Variants in TNIK observed in about 807,000 individuals in gnomAD.
TNIK encodes TRAF2 and NCK interacting kinase.
Under a neutral mutation model 191.3 loss-of-function variants are expected in TNIK, and 49 were observed. That is an observed-to-expected ratio of 0.26 (90% confidence interval 0.20 to 0.32). The LOEUF is 0.32. Among genes scored for constraint, TNIK ranks in the 10% least tolerant of loss-of-function variants. TNIK has a pLI of 1.00. For missense variants in TNIK, 1,155 were observed against 1,702.3 expected (o/e 0.68, Z 5.66); for synonymous variants, 594 against 600.9 (o/e 0.99, Z 0.17).
chr3:171,088,564 G>A (rs2108393791), intron 23 of TNIK, among the ~76,000 whole-genome samples: 2 of 152,286 alleles, frequency 1.3e-5, no homozygotes, highest in South Asian at 4.1e-4. Flanking sequence ...TAATGTCAGT[G>A]CAGTAGAAAA....
chr3:171,414,440 A>G (rs1251617985), intron 1 of TNIK, among the ~76,000 whole-genome samples: 6 of 152,246 alleles, frequency 3.9e-5, no homozygotes, highest in Admixed American at 3.9e-4. Flanking sequence ...TAGCAAAACT[A>G]TAACAAAGGT....
At chr3:171,215,712 G>T (rs932051885) in intron 3 of TNIK, among the ~76,000 whole-genome samples, 25 of 151,264 alleles carry the variant, frequency 1.7e-4, no homozygotes, top group African/African-American at 4.9e-4. Flanking sequence ...GCTTATGATT[G>T]ATTTCAAGGA....
At chr3:171,076,438 C>T (rs1315098760) in intron 28 of TNIK, among the ~76,000 whole-genome samples, 2 of 152,186 alleles carry the variant, frequency 1.3e-5, no homozygotes, top group Admixed American at 1.3e-4. Context: ...TATGTCATCA[C>T]ACATGATTGG....
In TNIK at chr3:171,253,598, C is replaced by G. The variant is rs35167769; in HGVS notation, c.124-25377G>C. Among the ~76,000 whole-genome samples the G allele has an allele frequency of 9.3e-5, 13 of 140,388 alleles. No individual in the cohort carries two copies. The South Asian group carries it at 1.6e-3, about 17-fold the overall frequency. 92.1% of individuals were successfully genotyped at this position (140,388 alleles called of 152,430 possible). ...GAAATCAGAAGACAGGTCCCCCCCC[C>G]ACCCCACCCCCAGTTATCTCAAATG... On this transcript the variant is annotated intron_variant, in intron 2 of 32. Transcript: ENST00000436636.
At chr3:171,196,464 C>A (rs940455120) in intron 4 of TNIK, among the ~76,000 whole-genome samples, 7 of 152,112 alleles carry the variant, frequency 4.6e-5, no homozygotes, top group Admixed American at 4.6e-4. Flanking sequence ...CTAGCTCCAG[C>A]CACTGATTTA....
At chr3:171,427,576 G>A (rs1174184948) in intron 1 of TNIK, among the ~76,000 whole-genome samples, 4 of 152,168 alleles carry the variant, frequency 2.6e-5, no homozygotes, top group African/African-American at 9.7e-5. Flanking sequence ...ACAGAGCAGG[G>A]TGCATAACAA....
At chr3:171,234,075 A>T (rs1743979064) in intron 2 of TNIK, among the ~76,000 whole-genome samples, 1 of 152,218 alleles carries the variant, frequency 6.6e-6, no homozygotes, top group East Asian at 1.9e-4. Context: ...TGTCATGATG[A>T]TGGCAAACAT....
chr3:171,202,618 T>C (rs903663328), intron 4 of TNIK, among the ~76,000 whole-genome samples: 1 of 152,216 alleles, frequency 6.6e-6, no homozygotes, highest in Non-Finnish European at 1.5e-5. Flanking sequence ...TGAAATTCTT[T>C]GGGACAAAAG....
Position 171,373,298 on chromosome 3 carries a change from A to G in TNIK, c.58-3613T>C, listed in dbSNP as rs567587400. Among the ~76,000 whole-genome samples, 343 of 37,290 alleles carry G rather than the reference A, an allele frequency of 9.2e-3. 1 individual carries two copies. The highest frequency in any genetic ancestry group is 0.02 in the African/African-American group (315 of 15,810). 24.5% of individuals were successfully genotyped at this position (37,290 alleles called of 152,430 possible). A position where few individuals can be genotyped will look rare whatever the true frequency, so the allele number is the denominator to read the frequency against. On this transcript the variant is annotated intron_variant, in intron 1 of 32. Coordinates refer to ENST00000436636, the MANE Select transcript of TNIK (RefSeq NM_015028.4). ...GCATCACTACTCCTGTTGAAAATAT[A>G]TCCCTCCACCATCTTCTATCATACC...
chr3:171,146,988 A>G (rs1731704612), intron 12 of TNIK, among the ~76,000 whole-genome samples: 1 of 152,188 alleles, frequency 6.6e-6, no homozygotes, highest in Non-Finnish European at 1.5e-5. Flanking sequence ...GTATAGATTA[A>G]GTAATCTTGC....
chr3:171,190,252 A>G (rs560746917), intron 6 of TNIK, among the ~76,000 whole-genome samples: 1 of 152,348 alleles, frequency 6.6e-6, no homozygotes, highest in African/African-American at 2.4e-5. Flanking sequence ...CGGGAGCCCA[A>G]GGTAATAACA....
intron 1 of TNIK, among the ~76,000 whole-genome samples, chr3:171,419,553 AT>A (rs1194050475): frequency 1.3e-5 from 2 of 152,222 alleles, no homozygotes; most frequent in African/African-American, 4.8e-5. Context: ...GCTCAAGATG[AT>A]TGCCTAAGGA....
chr3:171,257,502 G>A lies in TNIK; in HGVS notation c.124-29281C>T, dbSNP rs78470378. ...TGTTCATGACATAATAACTATTGCT[G>A]TTGCTGTAGACCTTGTTTGATAGTA... On this transcript the variant is annotated intron_variant, in intron 2 of 32. Transcript: ENST00000436636. Among the ~76,000 whole-genome samples, 74 of 152,280 alleles carry A rather than the reference G, an allele frequency of 4.9e-4. No individual in the cohort carries two copies. The East Asian group carries it at 9.7e-3, about 20-fold the overall frequency.
chr3:171,411,473 G>A (rs1007188298), intron 1 of TNIK, among the ~76,000 whole-genome samples: 2 of 151,814 alleles, frequency 1.3e-5, no homozygotes, highest in African/African-American at 4.8e-5. Context: ...TTTATTGCAT[G>A]TATTTTATAA....
At chr3:171,376,278 C>CA (rs1222630263) in intron 1 of TNIK, among the ~76,000 whole-genome samples, 2 of 152,172 alleles carry the variant, frequency 1.3e-5, no homozygotes, top group Admixed American at 1.3e-4. Flanking sequence ...CAACAACCCC[C>CA]AGATTCTAGT....
chr3:171,071,486 T>C (rs1719168830), intron 28 of TNIK, 163 bp from the exon 29 acceptor site: 1 of 620,228 alleles, frequency 1.6e-6, no homozygotes, highest in South Asian at 2.3e-5. Context: ...TCATAGATAC[T>C]GATTTAGCTT....
intron 1 of TNIK, among the ~76,000 whole-genome samples, chr3:171,387,590 G>A (rs1325137206): frequency 2.0e-5 from 3 of 152,152 alleles, no homozygotes; most frequent in East Asian, 1.9e-4. Flanking sequence ...AGGAGTATGT[G>A]TCTGGGGATA....
In TNIK at chr3:171,140,481, T is replaced by C. The variant is rs772090641; in HGVS notation, c.1250A>G (p.Lys417Arg). ...CCGGCGCTGCTCCCTCTCCTGCTGC[T>C]TCCGCAGCTCCTTCTCTCGCCTTTG... ...EQQRREKELR[K>R]QQEREQRRHY... Residue 417 changes from lysine (K) to arginine (R), a missense_variant, in exon 13 of 33, where the codon AAG (lysine) becomes AGG (arginine). Around this residue, in one of 3 missense-constraint regions of TNIK, gnomAD observed 735 missense variants for 848.0 expected, o/e 0.87. Transcript: ENST00000436636. 1 of 1,613,516 alleles carries C rather than the reference T, an allele frequency of 6.2e-7. No individual in the cohort carries two copies. The highest frequency in any genetic ancestry group is 2.2e-5 in the East Asian group (1 of 44,826).
intron 15 of TNIK, among the ~76,000 whole-genome samples, chr3:171,133,039 A>C (rs900306416): frequency 1.3e-5 from 2 of 152,214 alleles, no homozygotes; most frequent in African/African-American, 2.4e-5. Context: ...GCTGAGTAAT[A>C]TCGTTGGGCA....
Sources: allele counts gnomAD v4.1 joint callset (sites outside exome capture counted in the v4.1 genomes callset), GRCh38; gene constraint gnomAD v4.1.1; regional missense constraint gnomAD v4.1.1; transcripts MANE v1.5; gene names NCBI Gene and HGNC (gene_info 2026-07-23, HGNC 2026-07-21).